Variants in WARS2 observed in about 807,000 individuals in gnomAD.
WARS2 encodes the protein tryptophan--tRNA ligase, mitochondrial.
A neutral mutation model predicts 36.5 loss-of-function variants in WARS2; 28 were observed. That is an observed-to-expected ratio of 0.77 (90% CI 0.57 to 1.05). The LOEUF is 1.05. Ranked by LOEUF, WARS2 falls within the 50% of genes least tolerant of loss-of-function variation. WARS2 has a pLI of 0.00. For synonymous variants in WARS2, 174 were observed against 178.4 expected (o/e 0.98, Z 0.20); for missense variants, 435 against 456.8 (o/e 0.95, Z 0.44).
chr1:119,052,702 T>A (rs1649466192), intron 2 of WARS2, among the ~76,000 whole-genome samples: 1 of 152,216 alleles, frequency 6.6e-6, no homozygotes, highest in African/African-American at 2.4e-5. Flanking sequence ...TAACAATATA[T>A]TCATCAGATT....
At chr1:119,087,453 C>T (rs998417354) in intron 1 of WARS2, among the ~76,000 whole-genome samples, 1 of 152,176 alleles carries the variant, frequency 6.6e-6, no homozygotes, top group Non-Finnish European at 1.5e-5. Context: ...TTCTTTGAAA[C>T]TCAGAAATTG....
chr1:119,056,170 C>T (rs1300116149), intron 2 of WARS2, among the ~76,000 whole-genome samples: 6 of 150,772 alleles, frequency 4.0e-5, no homozygotes, highest in Admixed American at 4.0e-4. Flanking sequence ...CAGGCAAGTG[C>T]CACCATGCCT....
chr1:119,114,508 C>A (rs960775225), intron 1 of WARS2, among the ~76,000 whole-genome samples: 1 of 152,084 alleles, frequency 6.6e-6, no homozygotes, highest in Non-Finnish European at 1.5e-5. Context: ...CAGTTTGGAG[C>A]AGAATATAAT....
chr1:119,091,798 T>C (rs1019931195), intron 1 of WARS2, among the ~76,000 whole-genome samples: 1 of 152,148 alleles, frequency 6.6e-6, no homozygotes, highest in African/African-American at 2.4e-5. Flanking sequence ...GGAAGATTGA[T>C]GGTTTCCCTC....
At chr1:119,075,534 T>TA (rs1430734381) in intron 2 of WARS2, among the ~76,000 whole-genome samples, 1 of 152,170 alleles carries the variant, frequency 6.6e-6, no homozygotes, top group South Asian at 2.1e-4. Context: ...AAAACATATA[T>TA]AAAAATAATG....
At chr1:119,121,010 A>G (rs1411744923) in intron 1 of WARS2, among the ~76,000 whole-genome samples, 2 of 152,166 alleles carry the variant, frequency 1.3e-5, no homozygotes, top group African/African-American at 2.4e-5. Flanking sequence ...ACTTTCACCA[A>G]TTCTATTCAA....
intron 1 of WARS2, among the ~76,000 whole-genome samples, chr1:119,081,266 T>C (rs1307363752): frequency 6.6e-6 from 1 of 152,224 alleles, no homozygotes; most frequent in Non-Finnish European, 1.5e-5. Context: ...TCCCAAGTTA[T>C]TAATTATGGC....
At chr1:119,130,005 C>T (rs773763092) in intron 1 of WARS2, among the ~76,000 whole-genome samples, 3 of 152,126 alleles carry the variant, frequency 2.0e-5, no homozygotes, top group Non-Finnish European at 4.4e-5. Flanking sequence ...TACAAATGGC[C>T]TGTCTACATC....
intron 1 of WARS2, among the ~76,000 whole-genome samples, chr1:119,136,271 C>G (rs587739544): frequency 1.3e-5 from 2 of 152,118 alleles, no homozygotes; most frequent in African/African-American, 4.8e-5. Context: ...CCATGGCTGC[C>G]GTACTATCTG....
At chr1:119,139,459 TTGAAAGAACATTAACG>T (rs1656776264) in intron 1 of WARS2, among the ~76,000 whole-genome samples, 2 of 152,166 alleles carry the variant, frequency 1.3e-5, no homozygotes, top group Non-Finnish European at 2.9e-5. Flanking sequence ...TTTCCAGAGG[TTGAAAGAACATTAACG>T]TGTCAATCAG....
chr1:119,034,914 T>TA (rs1419969798), intron 4 of WARS2, among the ~76,000 whole-genome samples: 1 of 152,030 alleles, frequency 6.6e-6, no homozygotes, highest in Non-Finnish European at 1.5e-5. Flanking sequence ...TAATAATAAG[T>TA]AAAAAAACAT....
At position 119,111,799 on chromosome 1, in the gene WARS2, T is replaced by C. The variant is rs143046178; in HGVS notation, c.90+28756A>G. Among the ~76,000 whole-genome samples, 6 of 152,318 alleles carry C rather than the reference T, an allele frequency of 3.9e-5. No individual in the cohort carries two copies. The East Asian group carries it at 9.6e-4, about 24-fold the overall frequency. ...GGAGGTTTCTGCTCATGGGTTTTTA[T>C]ACCAGTACATTGTGGTTCTCTGTAT... On this transcript the variant is annotated intron_variant, in intron 1 of 5. Coordinates refer to ENST00000235521, the MANE Select transcript of WARS2 (RefSeq NM_015836.4).
chr1:119,074,002 T>C (rs901794221), intron 2 of WARS2, among the ~76,000 whole-genome samples: 3 of 152,228 alleles, frequency 2.0e-5, no homozygotes, highest in Admixed American at 6.5e-5. Flanking sequence ...TAGACATTCA[T>C]CTACAAGAAG....
At chr1:119,118,382 A>C (rs1203432603) in intron 1 of WARS2, among the ~76,000 whole-genome samples, 1 of 152,060 alleles carries the variant, frequency 6.6e-6, no homozygotes, top group Non-Finnish European at 1.5e-5. Flanking sequence ...ACAAAGACAA[A>C]GAAAAAAGAA....
At chr1:119,126,285 T>C (rs187554190) in intron 1 of WARS2, among the ~76,000 whole-genome samples, 2 of 141,120 alleles carry the variant, frequency 1.4e-5, no homozygotes, top group Admixed American at 1.4e-4. Flanking sequence ...AAAAAAAAAA[T>C]CTCAAAATAA....
chr1:119,108,912 T>C (rs894476581), intron 1 of WARS2, among the ~76,000 whole-genome samples: 2 of 152,008 alleles, frequency 1.3e-5, no homozygotes, highest in South Asian at 4.1e-4. Flanking sequence ...CAATAAGTTG[T>C]ACCTTCAGTT....
chr1:119,031,231 T>C lies in WARS2; in HGVS notation c.*1680A>G, dbSNP rs1647405724. On this transcript the variant is annotated 3_prime_UTR_variant, in exon 6 of 6. Coordinates refer to ENST00000235521, the MANE Select transcript of WARS2 (RefSeq NM_015836.4). Reference sequence around the variant, plus strand: ...AAACAGACAATTGGCTTGATAGATCTACCTTTAGTTTTGTCATTTTCCAGT... The same window carrying C: ...AAACAGACAATTGGCTTGATAGATCCACCTTTAGTTTTGTCATTTTCCAGT... 6.6e-6 allele frequency: 1 copy of C among 152,252 alleles called. No homozygotes were observed. The highest frequency in any genetic ancestry group is 1.5e-5 in the Non-Finnish European group (1 of 68,056). 9.4% of individuals were successfully genotyped at this position (152,252 alleles called of 1,614,324 possible).
intron 1 of WARS2, among the ~76,000 whole-genome samples, chr1:119,124,256 G>A (rs1449840355): frequency 1.3e-5 from 2 of 152,150 alleles, no homozygotes; most frequent in African/African-American, 4.8e-5. Flanking sequence ...ACTTTGGGAG[G>A]CCAAGGTGGG....
At chr1:119,054,093 A>G (rs1022806140) in intron 2 of WARS2, among the ~76,000 whole-genome samples, 1 of 149,934 alleles carries the variant, frequency 6.7e-6, no homozygotes, top group African/African-American at 2.4e-5. Flanking sequence ...TATTTAATAA[A>G]TTATAATTTA....
Sources: gnomAD v4.1 joint callset for allele counts (sites outside exome capture counted in the v4.1 genomes callset) on GRCh38, gnomAD v4.1.1 for gene constraint, MANE v1.5 for transcripts, NCBI Gene and HGNC (gene_info 2026-07-23, HGNC 2026-07-21) for gene names.